ZFAT: variants seen among roughly 807,000 people sequenced by gnomAD.
The protein encoded by ZFAT is zinc finger and AT-hook domain containing, also known as zinc finger protein ZFAT.
A neutral mutation model predicts 117.7 loss-of-function variants in ZFAT; 64 were observed. The observed-to-expected ratio is 0.54, with a 90% CI of 0.44 to 0.67. ZFAT has a LOEUF of 0.67. ZFAT is among the 30% of genes least tolerant of loss of function. The pLI, the probability that ZFAT is intolerant of heterozygous loss-of-function variation, is 0.00. For missense variants in ZFAT, 1,433 were observed against 1,584.5 expected, an observed-to-expected ratio of 0.90 and a Z score of 1.62; for synonymous variants, 679 against 615.0, an observed-to-expected ratio of 1.10 and a Z score of -1.54.
At chr8:134,596,731 A>C (rs926900384) in intron 7 of ZFAT, among the ~76,000 whole-genome samples, 4 of 152,356 alleles carry the variant, frequency 2.6e-5, no homozygotes, top group East Asian at 1.9e-4. Flanking sequence ...ACCATGGATG[A>C]ATTAAGTGAC....
chr8:134,724,409 C>G, the ZFAT span, among the ~76,000 whole-genome samples: 2,842 of 152,244 alleles, frequency 0.019, 75 homozygotes, highest in African/African-American at 0.064. Flanking sequence ...CCAGGGGTTA[C>G]TCCTTTAATT....
chr8:134,726,894 C>T, the ZFAT span, among the ~76,000 whole-genome samples: 1 of 152,108 alleles, frequency 6.6e-6, no homozygotes, highest in African/African-American at 2.4e-5. Flanking sequence ...GAAGCCACCG[C>T]ACAGGGCTGG....
chr8:134,760,047 A>G, the ZFAT span, among the ~76,000 whole-genome samples: 147,981 of 148,092 alleles, frequency 1, 73,936 homozygotes, highest in Middle Eastern at 1. Context: ...TTGGGAGGCC[A>G]AGGCGGGCGG....
chr8:134,656,152 G>A (rs146356772), intron 2 of ZFAT, among the ~76,000 whole-genome samples: 1 of 152,170 alleles, frequency 6.6e-6, no homozygotes, highest in African/African-American at 2.4e-5. Context: ...GGCAGAGGGA[G>A]GGCGCTGAAC....
intron 15 of ZFAT, among the ~76,000 whole-genome samples, chr8:134,480,870 C>T (rs1283978372): frequency 6.6e-6 from 1 of 152,190 alleles, no homozygotes; most frequent in Admixed American, 6.5e-5. Flanking sequence ...GTGATTATTC[C>T]AGTCTCCATG....
Position 134,490,921 on chromosome 8 carries a change from G to C in ZFAT, c.3493-12200C>G, listed in dbSNP as rs541636938. On this transcript the variant is annotated intron_variant, in intron 15 of 15. Transcript: ENST00000377838. ...TGCCTTGCTGTCCTCCCCCTGCCTA[G>C]AGCTCTCCTCCACCACGCCTGAAGC... Among the ~76,000 whole-genome samples the C allele has an allele frequency of 6.9e-4, 105 of 152,218 alleles. 1 individual carries two copies. Among genetic ancestry groups the C allele is most frequent in the African/African-American group, 2.5e-3 (102 of 41,506 alleles).
At chr8:134,623,108 T>G (rs1177257841) in intron 3 of ZFAT, among the ~76,000 whole-genome samples, 3 of 152,130 alleles carry the variant, frequency 2.0e-5, no homozygotes, top group African/African-American at 4.8e-5. Context: ...ATTCCCATTT[T>G]CATTCCCTCC....
chr8:134,600,367 T>C lies in ZFAT; in HGVS notation c.2475+69A>G. The C allele has an allele frequency of 2.2e-6, 3 of 1,366,454 alleles. No homozygotes were observed. The East Asian group carries it at 6.9e-5, about 31-fold the overall frequency. The allele number at this position is 1,366,454 out of a possible 1,614,324, so 84.6% of individuals were successfully genotyped here. A position where few individuals can be genotyped will look rare whatever the true frequency, so the allele number is the denominator to read the frequency against. ...GACCTGCAGCAGAGACACCTACATA[T>C]AAGCATAAACTTGAGAAAGCAATGA... On this transcript the variant is annotated intron_variant, in intron 7 of 15. Coordinates refer to ENST00000377838, the MANE Select transcript of ZFAT (RefSeq NM_020863.4).
At position 134,647,634 on chromosome 8, in the gene ZFAT, T is replaced by C. The variant is rs532321702; in HGVS notation, c.197-9922A>G. Among the ~76,000 whole-genome samples the C allele has an allele frequency of 2.3e-3, 355 of 152,338 alleles. 1 individual carries two copies. The highest frequency in any genetic ancestry group is 8.2e-3 in the African/African-American group (343 of 41,582). Reference sequence around the variant, plus strand: ...CTTAGATATAGAAAGCCCTAAAGATTATACTTCTAATAGCTTTTGGATAAT... The same window carrying C: ...CTTAGATATAGAAAGCCCTAAAGATCATACTTCTAATAGCTTTTGGATAAT... On this transcript the variant is annotated intron_variant, in intron 2 of 15. Transcript: ENST00000377838.
chr8:134,693,167 C>A (rs569687796), intron 1 of ZFAT, among the ~76,000 whole-genome samples: 25 of 152,312 alleles, frequency 1.6e-4, no homozygotes, highest in African/African-American at 5.1e-4. Context: ...ATCTCCGTTT[C>A]TAAATGCCAC....
upstream of ZFAT, among the ~76,000 whole-genome samples, chr8:134,714,803 A>G (rs552193040): frequency 1.4e-5 from 1 of 71,386 alleles, no homozygotes; most frequent in East Asian, 3.4e-4. Flanking sequence ...CTCCATGCCC[A>G]GTGTTCCTCT....
At chr8:134,684,093 C>G (rs1833200005) in intron 1 of ZFAT, among the ~76,000 whole-genome samples, 1 of 152,050 alleles carries the variant, frequency 6.6e-6, no homozygotes, top group South Asian at 2.1e-4. Context: ...GCCAAGGAAA[C>G]TGGTCTGAAA....
the ZFAT span, chr8:134,784,111 G>A: frequency 6.6e-6 from 1 of 152,202 alleles, no homozygotes; most frequent in African/African-American, 2.4e-5. Flanking sequence ...GCTTAGCGCT[G>A]TGATCTCCCA....
At chr8:134,669,961 G>C (rs994027083) in intron 1 of ZFAT, among the ~76,000 whole-genome samples, 2 of 152,166 alleles carry the variant, frequency 1.3e-5, no homozygotes, top group African/African-American at 2.4e-5. Flanking sequence ...CCTAGTCTCT[G>C]ATAAAACAGA....
At chr8:134,559,565 G>T (rs749606139) in intron 11 of ZFAT, among the ~76,000 whole-genome samples, 1 of 152,158 alleles carries the variant, frequency 6.6e-6, no homozygotes, top group Non-Finnish European at 1.5e-5. Flanking sequence ...GTGGTGAGTC[G>T]AAGAACACAT....
chr8:134,494,125 G>A (rs1818256058), intron 15 of ZFAT, among the ~76,000 whole-genome samples: 1 of 151,848 alleles, frequency 6.6e-6, no homozygotes, highest in Non-Finnish European at 1.5e-5. Context: ...CCTCACACAG[G>A]GAGCACTCTC....
chr8:134,729,791 A>G, the ZFAT span, among the ~76,000 whole-genome samples: 1 of 152,146 alleles, frequency 6.6e-6, no homozygotes, highest in Non-Finnish European at 1.5e-5. Context: ...TCCTGGGCAT[A>G]TTCTAAAACT....
the ZFAT span, among the ~76,000 whole-genome samples, chr8:134,720,117 A>G: frequency 6.6e-6 from 1 of 152,240 alleles, no homozygotes; most frequent in Admixed American, 6.5e-5. Context: ...TGATGAGAGG[A>G]CATGGAGAGA....
At chr8:134,750,808 C>G in the ZFAT span, among the ~76,000 whole-genome samples, 2 of 152,156 alleles carry the variant, frequency 1.3e-5, no homozygotes, top group African/African-American at 4.8e-5. Context: ...GAATGGCTAA[C>G]TCAAGCTAAT....
Sources: allele counts gnomAD v4.1 joint callset (sites outside exome capture counted in the v4.1 genomes callset), GRCh38; gene constraint gnomAD v4.1.1; transcripts MANE v1.5; gene names NCBI Gene and HGNC (gene_info 2026-07-23, HGNC 2026-07-21).